Variants in STK32B observed in about 807,000 individuals in gnomAD.
The protein encoded by STK32B is serine/threonine kinase 32B.
Under a neutral mutation model 52.6 loss-of-function variants are expected in STK32B, and 43 were observed. The observed-to-expected ratio is 0.82, with a 90% CI of 0.64 to 1.05. The LOEUF is 1.05. STK32B is among the 50% of genes least tolerant of loss of function. STK32B has a pLI of 0.00. For synonymous variants in STK32B, 238 were observed against 204.3 expected, an observed-to-expected ratio of 1.17 and a Z score of -1.41; for missense variants, 621 against 534.6, an observed-to-expected ratio of 1.16 and a Z score of -1.59.
chr4:5,360,505 C>T (rs1734476337), intron 4 of STK32B, among the ~76,000 whole-genome samples: 1 of 152,108 alleles, frequency 6.6e-6, no homozygotes, highest in Admixed American at 6.5e-5. Flanking sequence ...TGTGTGCGCT[C>T]TACTGTGAGG....
intron 4 of STK32B, among the ~76,000 whole-genome samples, chr4:5,359,983 C>A (rs2108997174): frequency 6.6e-6 from 1 of 152,298 alleles, no homozygotes; most frequent in Admixed American, 6.5e-5. Flanking sequence ...AGCACACTGG[C>A]TGCTTTTTAG....
chr4:5,492,661 A>T (rs1162797830), intron 11 of STK32B, among the ~76,000 whole-genome samples: 2 of 150,830 alleles, frequency 1.3e-5, no homozygotes, highest in Non-Finnish European at 3.0e-5. Flanking sequence ...GCCAGTTTTC[A>T]AAGGGAATGC....
intron 3 of STK32B, among the ~76,000 whole-genome samples, chr4:5,305,053 G>A (rs1256837012): frequency 6.8e-6 from 1 of 146,268 alleles, no homozygotes; most frequent in Non-Finnish European, 1.5e-5. Context: ...TGATCATGGT[G>A]GATTATTTTT....
chr4:5,181,888 C>T (rs1445647915), intron 3 of STK32B, among the ~76,000 whole-genome samples: 1 of 152,178 alleles, frequency 6.6e-6, no homozygotes. Context: ...ATGATTAACT[C>T]TTCCTTTGAC....
intron 2 of STK32B, among the ~76,000 whole-genome samples, chr4:5,142,128 T>C (rs1005587948): frequency 7.9e-5 from 12 of 152,180 alleles, no homozygotes; most frequent in African/African-American, 2.7e-4. Context: ...CTTGGGAATG[T>C]CCAATACACT....
intron 3 of STK32B, among the ~76,000 whole-genome samples, chr4:5,324,753 AG>A (rs147779932): frequency 0.026 from 4,013 of 152,314 alleles, 173 homozygotes; most frequent in African/African-American, 0.09. Flanking sequence ...GTGATGGACA[AG>A]AGGACAGAGG....
chr4:5,304,970 G>A (rs1165208892), intron 3 of STK32B, among the ~76,000 whole-genome samples: 1 of 151,914 alleles, frequency 6.6e-6, no homozygotes, highest in East Asian at 1.9e-4. Context: ...TTTTAATTCT[G>A]TTCATGTAGT....
At chr4:5,181,365 C>G (rs1365947300) in intron 3 of STK32B, among the ~76,000 whole-genome samples, 1 of 100,376 alleles carries the variant, frequency 1.0e-5, no homozygotes, top group African/African-American at 2.8e-5. Context: ...CACACACACA[C>G]ACAGAGATCT....
chr4:5,477,923 C>T (rs981233262), intron 11 of STK32B, among the ~76,000 whole-genome samples: 1 of 152,168 alleles, frequency 6.6e-6, no homozygotes, highest in Non-Finnish European at 1.5e-5. Flanking sequence ...AGTGCCCCCA[C>T]CCACACCAAG....
chr4:5,212,190 A>G (rs1722947503), intron 3 of STK32B, among the ~76,000 whole-genome samples: 1 of 152,152 alleles, frequency 6.6e-6, no homozygotes, highest in Non-Finnish European at 1.5e-5. Context: ...TTTAATTTTC[A>G]CAATTAGTAA....
In STK32B at chr4:5,363,196, A is replaced by G. The variant is rs76362147; in HGVS notation, c.434+31803A>G. 3.8e-3 allele frequency among the ~76,000 whole-genome samples: 576 copies of G among 152,378 alleles called. 19 individuals are homozygous for G. In the East Asian group the frequency reaches 0.075, roughly 20 times the overall value. The stretch of plus-strand genomic sequence containing the variant: ...GGTGAGCATAGAATGCAGTCATGAA[A>G]GTATACAAATTTTATAAATACATCT... On this transcript the variant is annotated intron_variant, in intron 4 of 11. Transcript: ENST00000282908.
intron 3 of STK32B, among the ~76,000 whole-genome samples, chr4:5,249,448 T>TTCCC (rs1156616726): frequency 1.1e-4 from 4 of 35,912 alleles, no homozygotes; most frequent in Non-Finnish European, 2.0e-4. Context: ...CCTACCTTCC[T>TTCCC]TCCTTCCTTC....
chr4:5,274,022 C>CA (rs999526089), intron 3 of STK32B, among the ~76,000 whole-genome samples: 12 of 151,262 alleles, frequency 7.9e-5, no homozygotes, highest in East Asian at 7.8e-4. Context: ...ACAAAACAAA[C>CA]AAAAAAAAGA....
At chr4:5,048,362 G>A (rs1446209804), upstream of STK32B, among the ~76,000 whole-genome samples, 4 of 149,242 alleles carry the variant, frequency 2.7e-5, no homozygotes, top group South Asian at 6.4e-4. Flanking sequence ...GTGCGATGGC[G>A]CGATCTTGGC....
At chr4:5,294,244 T>C (rs1729057730) in intron 3 of STK32B, among the ~76,000 whole-genome samples, 1 of 152,192 alleles carries the variant, frequency 6.6e-6, no homozygotes, top group African/African-American at 2.4e-5. Flanking sequence ...TTTGTTCTTT[T>C]TGCTTAGGAT....
intron 4 of STK32B, among the ~76,000 whole-genome samples, chr4:5,387,326 G>T (rs181742686): frequency 1.2e-4 from 19 of 152,314 alleles, no homozygotes; most frequent in African/African-American, 4.1e-4. Flanking sequence ...GCAAATCTAG[G>T]AATGGGCCCT....
intron 3 of STK32B, among the ~76,000 whole-genome samples, chr4:5,177,119 T>C (rs550399440): frequency 9.8e-5 from 15 of 152,336 alleles, no homozygotes; most frequent in Admixed American, 3.3e-4. Context: ...TTCACTCTTA[T>C]ACTGCTATAA....
chr4:5,132,964 A>C (rs949757863), intron 1 of STK32B, among the ~76,000 whole-genome samples: 12 of 151,994 alleles, frequency 7.9e-5, no homozygotes, highest in African/African-American at 2.9e-4. Context: ...ACTCCTGGCT[A>C]ATTTTTGTAT....
At chr4:5,362,465 G>T (rs576984913) in intron 4 of STK32B, among the ~76,000 whole-genome samples, 1 of 152,310 alleles carries the variant, frequency 6.6e-6, no homozygotes, top group Admixed American at 6.5e-5. Context: ...ACAGGTAGAA[G>T]ACAGAAACCA....
Sources: gnomAD v4.1 joint callset for allele counts (sites outside exome capture counted in the v4.1 genomes callset) on GRCh38, gnomAD v4.1.1 for gene constraint, MANE v1.5 for transcripts, NCBI Gene and HGNC (gene_info 2026-07-23, HGNC 2026-07-21) for gene names.